Variants in PICALM observed in about 807,000 individuals in gnomAD.
The protein encoded by PICALM is phosphatidylinositol binding clathrin assembly protein, also known as phosphatidylinositol-binding clathrin assembly protein.
Under a neutral mutation model 80.5 loss-of-function variants are expected in PICALM, and 40 were observed. The ratio of observed to expected loss-of-function variants is 0.50; its 90% CI spans 0.39 to 0.65. The LOEUF is 0.65. Among genes scored for constraint, PICALM ranks in the 30% least tolerant of loss-of-function variants. PICALM has a pLI of 0.00. For missense variants in PICALM, 676 were observed against 778.9 expected, an observed-to-expected ratio of 0.87 and a Z score of 1.57; for synonymous variants, 288 against 260.3, an observed-to-expected ratio of 1.11 and a Z score of -1.02.
chr11:85,981,186 C>G lies in PICALM; in HGVS notation c.1722G>C (p.Gly574=). Residue 574 remains glycine (G), a synonymous_variant, in exon 17 of 20, where the codon GGG becomes GGC. Transcript: ENST00000393346. Reference sequence around the variant, plus strand: ...CAACCTTTGGTTGCCAGTTAGATCCCCCAGTTAACTTCTTTTCACCTGGTT... The same window carrying G: ...CAACCTTTGGTTGCCAGTTAGATCCGCCAGTTAACTTCTTTTCACCTGGTT... The part of the protein sequence containing the change: ...WSQPGEKKLT[G]GSNWQPKVAP... 6.2e-7 allele frequency: 1 copy of G among 1,608,708 alleles called. No homozygotes were observed. Among genetic ancestry groups the G allele is most frequent in the Non-Finnish European group, 8.5e-7 (1 of 1,175,082 alleles).
At chr11:86,035,047 G>A (rs533702670) in intron 1 of PICALM, among the ~76,000 whole-genome samples, 13 of 151,226 alleles carry the variant, frequency 8.6e-5, no homozygotes, top group Middle Eastern at 3.4e-3. Flanking sequence ...ACACGTTCTC[G>A]ACTGAAAACT....
intron 1 of PICALM, among the ~76,000 whole-genome samples, chr11:86,062,577 T>C (rs1269306163): frequency 6.6e-6 from 1 of 151,972 alleles, no homozygotes; most frequent in African/African-American, 2.4e-5. Context: ...TGTCTGAATG[T>C]AGGTCCATCA....
intron 1 of PICALM, among the ~76,000 whole-genome samples, chr11:86,066,638 A>G (rs2137882917): frequency 6.6e-6 from 1 of 152,266 alleles, no homozygotes; most frequent in East Asian, 1.9e-4. Context: ...GAAATAAGAC[A>G]CAAACCTTTA....
chr11:85,987,032 G>A (rs989745848), intron 13 of PICALM, among the ~76,000 whole-genome samples: 1 of 152,156 alleles, frequency 6.6e-6, no homozygotes, highest in African/African-American at 2.4e-5. Context: ...GGGACAGAAA[G>A]ACATTCCAAA....
chr11:86,008,573 T>C lies in PICALM; in HGVS notation c.766-990A>G, dbSNP rs189323798. ...AGGTAGAGGGTGCAGTGAGCAGAGATTGCTCCACCGCACTCCAGCCTGGGA... is the reference window on the plus strand; with the variant it reads ...AGGTAGAGGGTGCAGTGAGCAGAGACTGCTCCACCGCACTCCAGCCTGGGA... On this transcript the variant is annotated intron_variant, in intron 7 of 19. Coordinates refer to ENST00000393346, the MANE Select transcript of PICALM (RefSeq NM_007166.4). Among the ~76,000 whole-genome samples the C allele has an allele frequency of 4.2e-4, 64 of 151,642 alleles. 1 individual carries two copies. Among genetic ancestry groups the C allele is most frequent in the African/African-American group, 1.3e-3 (52 of 41,306 alleles).
Position 85,976,724 on chromosome 11 carries a change from A to C in PICALM, c.1780-42T>G, listed in dbSNP as rs367832364. 2.5e-5 allele frequency: 30 copies of C among 1,187,596 alleles called. No homozygotes were observed. The African/African-American group carries it at 4.2e-4, about 17-fold the overall frequency. The allele number at this position is 1,187,596 out of a possible 1,614,324, so 73.6% of individuals were successfully genotyped here. On this transcript the variant is annotated intron_variant, in intron 17 of 19. Coordinates refer to ENST00000393346, the MANE Select transcript of PICALM (RefSeq NM_007166.4). ...AAAAATGAACAAGAAAGTATAACTC[A>C]TGTGTGTCAACTGAGTTCAAGGAAT...
chr11:86,003,845 A>G, intron 8 of PICALM: 1 of 154,804 alleles, frequency 6.5e-6, no homozygotes, highest in Non-Finnish European at 1.4e-5. Flanking sequence ...ATAATTACTG[A>G]TAAATGACAC....
At chr11:86,007,428 G>A (rs2095301841) in intron 8 of PICALM, 114 bp downstream of exon 8, 1 of 646,502 alleles carries the variant, frequency 1.5e-6, no homozygotes, top group Non-Finnish European at 2.9e-6. Context: ...TGTTAAAACT[G>A]GTCAAAAACT....
rs557387747 is a variant in PICALM, at chr11:86,037,748, G to C, written c.131-6137C>G. Among the ~76,000 whole-genome samples the C allele has an allele frequency of 4.3e-3, 657 of 151,736 alleles. 6 individuals are homozygous for C. Among genetic ancestry groups the C allele is most frequent in the African/African-American group, 0.015 (626 of 41,378 alleles). The stretch of plus-strand genomic sequence containing the variant: ...ATATTTTTTTGTATATATTGTATTT[G>C]CCCAAATACAAGGTGATGCATACAC... On this transcript the variant is annotated intron_variant, in intron 1 of 19. Transcript: ENST00000393346.
At chr11:86,009,468 G>T (rs558264986) in intron 7 of PICALM, among the ~76,000 whole-genome samples, 36 of 152,122 alleles carry the variant, frequency 2.4e-4, no homozygotes, top group Non-Finnish European at 5.0e-4. Context: ...CAGGCGGGCA[G>T]ATCACCTGAG....
chr11:86,064,610 T>G (rs1235385265), intron 1 of PICALM, among the ~76,000 whole-genome samples: 2 of 145,502 alleles, frequency 1.4e-5, no homozygotes. Flanking sequence ...ATTCCACCAC[T>G]GCACTCCAGC....
chr11:86,034,563 T>C (rs1290506119), intron 1 of PICALM, among the ~76,000 whole-genome samples: 1 of 152,144 alleles, frequency 6.6e-6, no homozygotes, highest in Non-Finnish European at 1.5e-5. Context: ...TGAGGACAGA[T>C]CTTATATTTT....
At chr11:86,064,126 C>A (rs911219350) in intron 1 of PICALM, among the ~76,000 whole-genome samples, 2 of 152,226 alleles carry the variant, frequency 1.3e-5, no homozygotes, top group Non-Finnish European at 2.9e-5. Flanking sequence ...TGTAGTTACA[C>A]AAACCACTAG....
intron 19 of PICALM, among the ~76,000 whole-genome samples, chr11:85,965,779 C>T (rs1194943018): frequency 1.3e-5 from 2 of 150,572 alleles, no homozygotes; most frequent in African/African-American, 2.4e-5. Context: ...AACATTAACC[C>T]TGTCACCTTG....
At chr11:85,976,931 T>G (rs1322789578) in intron 17 of PICALM, 1 of 299,376 alleles carries the variant, frequency 3.3e-6, no homozygotes, top group Non-Finnish European at 6.3e-6. Flanking sequence ...GATCTAAGAT[T>G]TCATCATGCT....
chr11:86,034,790 A>G (rs75653415), intron 1 of PICALM, among the ~76,000 whole-genome samples: 1,905 of 152,296 alleles, frequency 0.013, 47 homozygotes, highest in African/African-American at 0.044. Context: ...AGAAATGACA[A>G]TCACTTTTCC....
rs766890020 is a variant in PICALM, at chr11:86,014,987, TAAAC to T, written c.453-28_453-25del. ...CCCTGTTATGAAAAAACCAGAGAAA[TAAAC>T]AAATGAATCTGCAATTAAATCTACA... is the stretch of plus-strand genomic sequence containing the variant. On this transcript the variant is annotated intron_variant, in intron 4 of 19. Transcript: ENST00000393346. 18 of 1,385,858 alleles carry T rather than the reference TAAAC, an allele frequency of 1.3e-5. No homozygotes were observed. In the East Asian group the frequency reaches 3.6e-4, roughly 27 times the overall value. The allele number at this position is 1,385,858 out of a possible 1,614,324, so 85.8% of individuals were successfully genotyped here. A position where few individuals can be genotyped will look rare whatever the true frequency, so the allele number is the denominator to read the frequency against.
At chr11:85,998,026 C>T (rs1488656714) in intron 11 of PICALM, among the ~76,000 whole-genome samples, 12 of 152,172 alleles carry the variant, frequency 7.9e-5, no homozygotes, top group African/African-American at 2.9e-4. Flanking sequence ...AGATGATCCA[C>T]CCACCTGAGC....
chr11:86,065,114 A>G (rs2096426379), intron 1 of PICALM, among the ~76,000 whole-genome samples: 1 of 152,040 alleles, frequency 6.6e-6, no homozygotes, highest in South Asian at 2.1e-4. Context: ...AGATTGTAAG[A>G]TCAGATAAAA....
Sources: gnomAD v4.1 joint callset for allele counts (sites outside exome capture counted in the v4.1 genomes callset) on GRCh38, gnomAD v4.1.1 for gene constraint, MANE v1.5 for transcripts, NCBI Gene and HGNC (gene_info 2026-07-23, HGNC 2026-07-21) for gene names.